The following PTPRD variants were observed in gnomAD, a reference collection of about 807,000 sequenced individuals.
PTPRD encodes the protein protein tyrosine phosphatase receptor type D.
Under a neutral mutation model 214.5 loss-of-function variants are expected in PTPRD, and 34 were observed. The ratio of observed to expected loss-of-function variants is 0.16; its 90% CI spans 0.12 to 0.21. The LOEUF is 0.21. Among genes scored for constraint, PTPRD ranks in the 10% least tolerant of loss-of-function variants. PTPRD has a pLI of 1.00. For missense variants in PTPRD, 2,545 were observed against 2,398.7 expected (o/e 1.06, Z -1.27); for synonymous variants, 1,128 against 845.7 (o/e 1.33, Z -5.79).
intron 2 of PTPRD, among the ~76,000 whole-genome samples, chr9:10,506,100 T>C (rs1252759506): frequency 6.6e-6 from 1 of 152,058 alleles, no homozygotes; most frequent in Middle Eastern, 3.2e-3. Flanking sequence ...AGTGGCAATG[T>C]TTTTCTAATA....
At chr9:8,806,530 C>T (rs1294528659) in intron 11 of PTPRD, among the ~76,000 whole-genome samples, 1 of 152,136 alleles carries the variant, frequency 6.6e-6, no homozygotes, top group African/African-American at 2.4e-5. Flanking sequence ...ACATTGACTT[C>T]TATGAGTCAT....
chr9:9,733,814 GTA>G (rs1596303414), intron 7 of PTPRD, among the ~76,000 whole-genome samples: 1 of 152,102 alleles, frequency 6.6e-6, no homozygotes, highest in African/African-American at 2.4e-5. Flanking sequence ...TGATAATCTT[GTA>G]TACACTCAGA....
At chr9:9,047,508 C>G (rs945642478) in intron 10 of PTPRD, among the ~76,000 whole-genome samples, 1 of 152,072 alleles carries the variant, frequency 6.6e-6, no homozygotes, top group African/African-American at 2.4e-5. Context: ...GACTATACTA[C>G]AGAGCTATAG....
At chr9:9,967,914 ATAT>A (rs2094819738) in intron 4 of PTPRD, among the ~76,000 whole-genome samples, 1 of 152,142 alleles carries the variant, frequency 6.6e-6, no homozygotes, top group African/African-American at 2.4e-5. Flanking sequence ...ATATATACTG[ATAT>A]TATGATACAT....
At chr9:9,077,046 T>C (rs899795914) in intron 10 of PTPRD, among the ~76,000 whole-genome samples, 2 of 152,104 alleles carry the variant, frequency 1.3e-5, no homozygotes, top group Admixed American at 1.3e-4. Context: ...ATTTCTCTGA[T>C]GGTCAATGAT....
At chr9:9,828,844 T>G (rs893518509) in intron 5 of PTPRD, among the ~76,000 whole-genome samples, 1 of 151,884 alleles carries the variant, frequency 6.6e-6, no homozygotes, top group Non-Finnish European at 1.5e-5. Flanking sequence ...AGAAAGAAGA[T>G]AACCACAAAA....
At chr9:9,928,706 A>G (rs956245276) in intron 5 of PTPRD, among the ~76,000 whole-genome samples, 8 of 151,644 alleles carry the variant, frequency 5.3e-5, no homozygotes, top group Admixed American at 4.6e-4. Context: ...AAGAAAATAA[A>G]GAACAAACTT....
intron 11 of PTPRD, among the ~76,000 whole-genome samples, chr9:8,976,342 C>T (rs2099267921): frequency 1.3e-5 from 2 of 151,986 alleles, no homozygotes; most frequent in South Asian, 4.1e-4. Flanking sequence ...AGAACTAGGA[C>T]CTAATTAATA....
At chr9:8,455,596 C>G (rs1187870487) in intron 33 of PTPRD, among the ~76,000 whole-genome samples, 38 of 152,094 alleles carry the variant, frequency 2.5e-4, no homozygotes, top group Admixed American at 2.5e-3. Context: ...ATAATTCAAT[C>G]CATCTCTTTT....
chr9:9,547,661 T>A (rs2079112015), intron 8 of PTPRD, among the ~76,000 whole-genome samples: 1 of 152,052 alleles, frequency 6.6e-6, no homozygotes, highest in Non-Finnish European at 1.5e-5. Flanking sequence ...ATTTTGTACA[T>A]CAGGATATTT....
chr9:9,235,786 C>T (rs1238501067), intron 9 of PTPRD, among the ~76,000 whole-genome samples: 1 of 152,254 alleles, frequency 6.6e-6, no homozygotes, highest in Admixed American at 6.5e-5. Context: ...TCCTTCCTTT[C>T]CAAATTCAGA....
At chr9:9,527,928 G>A (rs2074517006) in intron 8 of PTPRD, among the ~76,000 whole-genome samples, 1 of 152,178 alleles carries the variant, frequency 6.6e-6, no homozygotes, top group Non-Finnish European at 1.5e-5. Context: ...GTCCAGATAT[G>A]AAATAACGCT....
At chr9:8,920,689 G>A (rs2098821365) in intron 11 of PTPRD, among the ~76,000 whole-genome samples, 1 of 152,204 alleles carries the variant, frequency 6.6e-6, no homozygotes, top group Non-Finnish European at 1.5e-5. Context: ...GCGGCCCATG[G>A]GCCGTGGGTT....
intron 10 of PTPRD, among the ~76,000 whole-genome samples, chr9:9,113,589 C>T (rs1046142358): frequency 2.6e-5 from 4 of 152,108 alleles, no homozygotes; most frequent in Non-Finnish European, 5.9e-5. Flanking sequence ...ACATCTAGAA[C>T]TCCAGTCCCA....
chr9:9,265,393 A>G (rs1461611798), intron 9 of PTPRD, among the ~76,000 whole-genome samples: 1 of 151,518 alleles, frequency 6.6e-6, no homozygotes. Context: ...AGCTAGGATT[A>G]CAGGCACATA....
intron 10 of PTPRD, among the ~76,000 whole-genome samples, chr9:9,169,685 G>A (rs2099910825): frequency 6.6e-6 from 1 of 151,962 alleles, no homozygotes; most frequent in African/African-American, 2.4e-5. Flanking sequence ...CTTTCTTGTT[G>A]GAAAACAAAG....
chr9:9,023,507 T>TGATAAGTTAGTCTG (rs2099576423), intron 10 of PTPRD, among the ~76,000 whole-genome samples: 1 of 152,070 alleles, frequency 6.6e-6, no homozygotes, highest in Admixed American at 6.6e-5. Flanking sequence ...TTTCCATTCT[T>TGATAAGTTAGTCTG]CTATTTACAC....
At chr9:9,426,885 C>T (rs1025055293) in intron 8 of PTPRD, among the ~76,000 whole-genome samples, 31 of 152,096 alleles carry the variant, frequency 2.0e-4, no homozygotes, top group Non-Finnish European at 2.9e-5. Flanking sequence ...GAAAGGGCAT[C>T]TACACCAAAA....
chr9:9,904,557 A>C (rs559137787), intron 5 of PTPRD, among the ~76,000 whole-genome samples: 23 of 152,246 alleles, frequency 1.5e-4, no homozygotes, highest in African/African-American at 5.3e-4. Context: ...AAATGGCCAC[A>C]GTAATTTTTT....
Sources: allele counts gnomAD v4.1 joint callset (sites outside exome capture counted in the v4.1 genomes callset), GRCh38; gene constraint gnomAD v4.1.1; transcripts MANE v1.5; gene names NCBI Gene and HGNC (gene_info 2026-07-23, HGNC 2026-07-21).